Variants in SORCS1 observed in about 807,000 individuals in gnomAD.
SORCS1 encodes VPS10 domain-containing receptor SorCS1.
A neutral mutation model predicts 146.1 loss-of-function variants in SORCS1; 60 were observed. That is an observed-to-expected ratio of 0.41 (90% confidence interval 0.33 to 0.51). The LOEUF (loss-of-function observed/expected upper bound fraction) is 0.51, where lower values mean the gene tolerates loss of function less well. Among genes scored for constraint, SORCS1 ranks in the 20% least tolerant of loss-of-function variants. The probability of loss-of-function intolerance (pLI) is 0.21; values close to 1 mark genes in which losing one functional copy is unlikely to be tolerated. For missense variants in SORCS1, 1,352 were observed against 1,487.6 expected (o/e 0.91, Z 1.50); for synonymous variants, 637 against 584.0 (o/e 1.09, Z -1.31).
chr10:106,605,046 T>G (rs1019373102), intron 23 of SORCS1, among the ~76,000 whole-genome samples: 7 of 152,250 alleles, frequency 4.6e-5, no homozygotes, highest in Non-Finnish European at 1.0e-4. Flanking sequence ...TAAACCTGTG[T>G]TCTAACAAAA....
In SORCS1 at chr10:107,152,544, G is replaced by A. The variant is rs534252978; in HGVS notation, c.558+11425C>T. 3.0e-4 allele frequency among the ~76,000 whole-genome samples: 45 copies of A among 152,290 alleles called. 1 individual carries two copies. The highest frequency in any genetic ancestry group is 1.1e-3 in the African/African-American group (44 of 41,562). Reference sequence around the variant, plus strand: ...AGCGGGAGGTAACTGAATCATGGGAGTGGCTACCTCCATGCTGTTCTCATA... The same window carrying A: ...AGCGGGAGGTAACTGAATCATGGGAATGGCTACCTCCATGCTGTTCTCATA... On this transcript the variant is annotated intron_variant, in intron 1 of 25. Transcript: ENST00000263054.
At chr10:106,651,575 G>A (rs914157708) in intron 18 of SORCS1, among the ~76,000 whole-genome samples, 11 of 152,162 alleles carry the variant, frequency 7.2e-5, no homozygotes, top group African/African-American at 2.2e-4. Context: ...TTTTAATCCT[G>A]GGTGTCATTG....
At chr10:106,579,731 A>G (rs1006122058) in intron 24 of SORCS1, among the ~76,000 whole-genome samples, 1 of 151,412 alleles carries the variant, frequency 6.6e-6, no homozygotes, top group African/African-American at 2.4e-5. Flanking sequence ...TTCAGGTCCC[A>G]CTCTAACTAG....
At chr10:106,632,486 C>A (rs967171853) in intron 18 of SORCS1, among the ~76,000 whole-genome samples, 1 of 152,064 alleles carries the variant, frequency 6.6e-6, no homozygotes, top group East Asian at 1.9e-4. Context: ...GAATAAGAAA[C>A]CGAGCAAAGG....
At chr10:106,598,427 A>AT (rs919960230) in intron 23 of SORCS1, among the ~76,000 whole-genome samples, 5 of 151,514 alleles carry the variant, frequency 3.3e-5, no homozygotes, top group Admixed American at 6.6e-5. Flanking sequence ...ACACCCAGCT[A>AT]TTTTTTGTAT....
rs545055251 is a variant in SORCS1, at chr10:106,963,089, G to A, written c.559-6509C>T. Among the ~76,000 whole-genome samples, 93 of 140,984 alleles carry A rather than the reference G, an allele frequency of 6.6e-4. No individual in the cohort carries two copies. In the Middle Eastern group the frequency reaches 0.013, roughly 19 times the overall value. 92.5% of individuals were successfully genotyped at this position (140,984 alleles called of 152,430 possible). A position where few individuals can be genotyped will look rare whatever the true frequency, so the allele number is the denominator to read the frequency against. ...AATCAAAGAGTTGGATAAAATAAGA[G>A]AGCAGTGTTCAATGGCCAGAATTTT... On this transcript the variant is annotated intron_variant, in intron 1 of 25. Transcript: ENST00000263054.
At chr10:106,579,305 T>G (rs1844756941) in intron 25 of SORCS1, 64 bp downstream of exon 25, 5 of 1,614,028 alleles carry the variant, frequency 3.1e-6, no homozygotes, top group Non-Finnish European at 4.2e-6. Context: ...AACACATGCT[T>G]CTGAACCTGT....
At chr10:106,587,869 T>C (rs967250410) in intron 24 of SORCS1, among the ~76,000 whole-genome samples, 9 of 152,218 alleles carry the variant, frequency 5.9e-5, no homozygotes, top group Admixed American at 5.2e-4. Context: ...TTTTTTTATT[T>C]AACCTGAGGT....
intron 1 of SORCS1, among the ~76,000 whole-genome samples, chr10:107,149,610 G>A (rs771230921): frequency 7.2e-5 from 11 of 152,190 alleles, no homozygotes; most frequent in East Asian, 1.9e-4. Context: ...TTTTGTGTAC[G>A]TGCACGTGCA....
At chr10:106,795,292 T>G (rs962584162) in intron 3 of SORCS1, among the ~76,000 whole-genome samples, 1 of 149,716 alleles carries the variant, frequency 6.7e-6, no homozygotes, top group Non-Finnish European at 1.5e-5. Context: ...TTTTTTTTTG[T>G]TTGTTTTTTG....
intron 1 of SORCS1, among the ~76,000 whole-genome samples, chr10:106,993,623 C>G (rs1201786668): frequency 6.6e-6 from 1 of 152,102 alleles, no homozygotes; most frequent in Non-Finnish European, 1.5e-5. Context: ...AAATCAGGTA[C>G]AGTATCATGC....
intron 18 of SORCS1, among the ~76,000 whole-genome samples, chr10:106,652,147 T>C (rs1429705148): frequency 6.6e-6 from 1 of 151,872 alleles, no homozygotes; most frequent in Non-Finnish European, 1.5e-5. Context: ...CCTCCAAGAG[T>C]AAGAGATTAA....
intron 2 of SORCS1, among the ~76,000 whole-genome samples, chr10:106,905,025 A>G (rs1005277471): frequency 1.3e-5 from 2 of 152,126 alleles, no homozygotes; most frequent in African/African-American, 4.8e-5. Context: ...GTAGATGAAT[A>G]CATGTTTAAC....
rs564458463 is a variant in SORCS1, at chr10:106,577,238, T to C, written c.*182A>G. On this transcript the variant is annotated 3_prime_UTR_variant, in exon 26 of 26. Transcript: ENST00000263054. ...TCCTCCATTCAAACATTTACATAGG[T>C]AGGGATTTCTTTTGTGCTTTGATTC... is the stretch of plus-strand genomic sequence containing the variant. The C allele has an allele frequency of 6.3e-7, 1 of 1,593,692 alleles. No homozygotes were observed. The highest frequency in any genetic ancestry group is 1.1e-5 in the South Asian group (1 of 89,940).
chr10:106,666,883 T>C (rs1851201248), intron 17 of SORCS1, among the ~76,000 whole-genome samples: 1 of 152,186 alleles, frequency 6.6e-6, no homozygotes, highest in Admixed American at 6.5e-5. Flanking sequence ...TAAATCTCTT[T>C]CTAAATAAAT....
chr10:106,594,436 C>T (rs1845790643), intron 24 of SORCS1, among the ~76,000 whole-genome samples: 1 of 152,142 alleles, frequency 6.6e-6, no homozygotes, highest in Non-Finnish European at 1.5e-5. Flanking sequence ...AATCATTTAT[C>T]GTTTCTTTGT....
At chr10:106,872,338 C>T (rs2137589498) in intron 2 of SORCS1, among the ~76,000 whole-genome samples, 2 of 152,284 alleles carry the variant, frequency 1.3e-5, no homozygotes, top group Middle Eastern at 6.8e-3. Flanking sequence ...CTCAGGATAT[C>T]TGACTTATGA....
intron 5 of SORCS1, among the ~76,000 whole-genome samples, chr10:106,730,605 T>A (rs1322980544): frequency 6.6e-6 from 1 of 152,002 alleles, no homozygotes. Context: ...TACAGCAGAG[T>A]GATGATTCTC....
At chr10:107,118,720 G>A (rs953782518) in intron 1 of SORCS1, among the ~76,000 whole-genome samples, 1 of 152,140 alleles carries the variant, frequency 6.6e-6, no homozygotes, top group East Asian at 1.9e-4. Context: ...GAGGATACCT[G>A]CAATAGTAAC....
Sources: allele counts gnomAD v4.1 joint callset (sites outside exome capture counted in the v4.1 genomes callset), GRCh38; gene constraint gnomAD v4.1.1; transcripts MANE v1.5; gene names NCBI Gene and HGNC (gene_info 2026-07-23, HGNC 2026-07-21).